The following NRG1 variants were observed in gnomAD, a reference collection of about 807,000 sequenced individuals.
The protein encoded by NRG1 is pro-neuregulin-1, membrane-bound isoform.
NRG1 carries 18 observed loss-of-function variants against 63.8 expected under a neutral mutation model. The observed-to-expected ratio is 0.28, with a 90% CI of 0.19 to 0.42. The LOEUF (loss-of-function observed/expected upper bound fraction) is 0.42. NRG1 is among the 10% of genes least tolerant of loss of function. The probability of loss-of-function intolerance (pLI) is 1.00; values close to 1 mark genes in which losing one functional copy is unlikely to be tolerated. For missense variants in NRG1, 762 were observed against 814.7 expected (o/e 0.94, Z 0.79); for synonymous variants, 302 against 301.3 (o/e 1.00, Z -0.02).
At chr8:31,857,441 G>A (rs547141793) in intron 1 of NRG1, among the ~76,000 whole-genome samples, 123 of 152,334 alleles carry the variant, frequency 8.1e-4, no homozygotes, top group Non-Finnish European at 1.3e-3. Context: ...TGGGCTTCCC[G>A]AGTGAGGCAA....
intron 5 of NRG1, among the ~76,000 whole-genome samples, chr8:32,694,228 C>T (rs1004637791): frequency 1.3e-5 from 2 of 152,218 alleles, no homozygotes; most frequent in African/African-American, 4.8e-5. Flanking sequence ...TTGTATCCAA[C>T]ACTTGTTAGT....
At chr8:31,892,072 C>T (rs554327609) in intron 1 of NRG1, among the ~76,000 whole-genome samples, 26 of 152,088 alleles carry the variant, frequency 1.7e-4, no homozygotes, top group Non-Finnish European at 3.8e-4. Flanking sequence ...TGTTTCTTGA[C>T]TATGAGTGTC....
intron 5 of NRG1, among the ~76,000 whole-genome samples, chr8:32,617,600 G>A (rs991412987): frequency 3.3e-5 from 5 of 152,158 alleles, no homozygotes; most frequent in African/African-American, 1.2e-4. Context: ...TACTCAACAG[G>A]GGAGTTTATC....
At chr8:32,609,493 A>G (rs565712849) in intron 3 of NRG1, among the ~76,000 whole-genome samples, 2 of 151,654 alleles carry the variant, frequency 1.3e-5, no homozygotes, top group Non-Finnish European at 2.9e-5. Context: ...TCCTAAATAG[A>G]TATTTACCGT....
At chr8:32,330,170 C>CA (rs977108045) in intron 1 of NRG1, among the ~76,000 whole-genome samples, 2 of 150,122 alleles carry the variant, frequency 1.3e-5, no homozygotes, top group African/African-American at 2.4e-5. Context: ...TACAGGCATG[C>CA]ACCTTGTGTC....
chr8:32,543,027 G>GAACTAGGC lies in NRG1; in HGVS notation c.38-52800_38-52793dup, dbSNP rs572160779. Among the ~76,000 whole-genome samples the GAACTAGGC allele has an allele frequency of 4.6e-5, 7 of 152,232 alleles. No homozygotes were observed. In the South Asian group the frequency reaches 1.4e-3, roughly 32 times the overall value. ...TGATTGATAGAAAATGGTAATCACTGAACTAGGCTTTTTATCTTCATTCTG... is the reference window on the plus strand; with the variant it reads ...TGATTGATAGAAAATGGTAATCACTGAACTAGGCAACTAGGCTTTTTATCTTCATTCTG... On this transcript the variant is annotated intron_variant, in intron 1 of 10. Transcript: ENST00000519301.
At chr8:32,291,535 T>TTA (rs751022763) in intron 1 of NRG1, among the ~76,000 whole-genome samples, 1 of 123,028 alleles carries the variant, frequency 8.1e-6, no homozygotes, top group Non-Finnish European at 1.8e-5. Flanking sequence ...TTTATCCACT[T>TTA]TTTTTTTTTT....
chr8:32,730,659 G>A (rs1304018749), intron 6 of NRG1, among the ~76,000 whole-genome samples: 2 of 152,142 alleles, frequency 1.3e-5, no homozygotes, highest in Non-Finnish European at 2.9e-5. Context: ...CTGACTTGCT[G>A]TGAATACAGC....
At position 31,640,059 on chromosome 8, in the gene NRG1, C is replaced by G; in HGVS notation, c.37+628C>G. ...CCCAGCGCCCCGGCTCCGCCGCCCG[C>G]TCGTCGCCGCCGCTGCCGCTGCTGC... On this transcript the variant is annotated intron_variant, in intron 1 of 10. Transcript: ENST00000519301. The surrounding 1 kb of genome is among the most constrained non-coding windows in gnomAD (Gnocchi z 6.3). The G allele has an allele frequency of 8.8e-7, 1 of 1,139,970 alleles. No individual in the cohort carries two copies. The highest frequency in any genetic ancestry group is 1.1e-6 in the Non-Finnish European group (1 of 930,590). The allele number at this position is 1,139,970 out of a possible 1,614,324, so 70.6% of individuals were successfully genotyped here. A position where few individuals can be genotyped will look rare whatever the true frequency, so the allele number is the denominator to read the frequency against.
At chr8:31,729,123 A>G (rs576101633) in intron 1 of NRG1, among the ~76,000 whole-genome samples, 142 of 152,308 alleles carry the variant, frequency 9.3e-4, no homozygotes, top group Non-Finnish European at 1.5e-3. Flanking sequence ...AATGGTGCCC[A>G]GGCAGTTTGC....
chr8:32,529,565 C>T (rs1434951868), intron 1 of NRG1, among the ~76,000 whole-genome samples: 3 of 152,044 alleles, frequency 2.0e-5, no homozygotes, highest in Non-Finnish European at 4.4e-5. Flanking sequence ...CAAAAATATT[C>T]TTTCTTCATA....
At chr8:32,204,173 G>T (rs547497398) in intron 1 of NRG1, among the ~76,000 whole-genome samples, 3 of 152,282 alleles carry the variant, frequency 2.0e-5, no homozygotes, top group Admixed American at 6.5e-5. Flanking sequence ...AGTGAGATGG[G>T]AATGAGGTCA....
intron 1 of NRG1, among the ~76,000 whole-genome samples, chr8:32,421,754 G>A (rs1816723180): frequency 6.6e-6 from 1 of 152,170 alleles, no homozygotes; most frequent in South Asian, 2.1e-4. Context: ...CGCATACACA[G>A]TGCAACATCT....
At chr8:32,625,857 G>T (rs569433399) in intron 5 of NRG1, among the ~76,000 whole-genome samples, 1 of 142,328 alleles carries the variant, frequency 7.0e-6, no homozygotes, top group Non-Finnish European at 1.5e-5. Flanking sequence ...GCAGTGGTGT[G>T]ATCTCGGCTC....
intron 1 of NRG1, among the ~76,000 whole-genome samples, chr8:32,376,034 A>G (rs1809579551): frequency 6.6e-6 from 1 of 152,230 alleles, no homozygotes; most frequent in African/African-American, 2.4e-5. Flanking sequence ...AGACTAACCC[A>G]AGAAATAATT....
intron 1 of NRG1, among the ~76,000 whole-genome samples, chr8:32,595,141 G>A (rs546976457): frequency 1.4e-3 from 215 of 152,052 alleles, no homozygotes; most frequent in African/African-American, 4.7e-3. Context: ...ATGTGAACAC[G>A]CTTTAAAAAT....
chr8:32,088,868 CA>C (rs536477598), intron 1 of NRG1, among the ~76,000 whole-genome samples: 103 of 149,270 alleles, frequency 6.9e-4, no homozygotes, highest in Middle Eastern at 3.4e-3. Flanking sequence ...AACAGTAATC[CA>C]AAAAAAAATG....
chr8:32,279,482 A>G (rs993878623), intron 1 of NRG1, among the ~76,000 whole-genome samples: 1 of 152,136 alleles, frequency 6.6e-6, no homozygotes, highest in African/African-American at 2.4e-5. Flanking sequence ...CCTCCCAAGT[A>G]GCTGGGATTA....
intron 5 of NRG1, among the ~76,000 whole-genome samples, chr8:32,640,578 C>T (rs2129545650): frequency 6.8e-6 from 1 of 147,294 alleles, no homozygotes; most frequent in Admixed American, 6.9e-5. Context: ...ATCCTTGGCA[C>T]TTATTTCCAG....
Sources: allele counts gnomAD v4.1 joint callset (sites outside exome capture counted in the v4.1 genomes callset), GRCh38; gene constraint gnomAD v4.1.1; non-coding constraint Gnocchi (gnomAD v3.1); transcripts MANE v1.5; gene names NCBI Gene and HGNC (gene_info 2026-07-23, HGNC 2026-07-21).